The following CACNA2D3 variants were observed in gnomAD, a reference collection of about 807,000 sequenced individuals.
CACNA2D3 encodes the protein calcium voltage-gated channel auxiliary subunit alpha2delta 3, also known as voltage-dependent calcium channel subunit alpha-2/delta-3.
Under a neutral mutation model 160.6 loss-of-function variants are expected in CACNA2D3, and 60 were observed. That is an observed-to-expected ratio of 0.37 (90% CI 0.30 to 0.46). The LOEUF is 0.46. Among genes scored for constraint, CACNA2D3 ranks in the 20% least tolerant of loss-of-function variants. CACNA2D3 has a pLI of 1.00. For missense variants in CACNA2D3, 1,205 were observed against 1,365.0 expected (o/e 0.88, Z 1.85); for synonymous variants, 558 against 492.9 (o/e 1.13, Z -1.75).
chr3:54,964,243 G>A (rs1702093682), intron 27 of CACNA2D3, among the ~76,000 whole-genome samples: 2 of 152,172 alleles, frequency 1.3e-5, no homozygotes, highest in Non-Finnish European at 2.9e-5. Flanking sequence ...ACCAGATGCA[G>A]TTGTGTAAAG....
intron 2 of CACNA2D3, among the ~76,000 whole-genome samples, chr3:54,238,933 C>A (rs1325134799): frequency 6.6e-6 from 1 of 152,182 alleles, no homozygotes; most frequent in Admixed American, 6.5e-5. Flanking sequence ...GTCTTCAGAT[C>A]ATTTTGAATA....
chr3:54,701,635 G>A (rs1700769168), intron 11 of CACNA2D3, among the ~76,000 whole-genome samples: 1 of 152,102 alleles, frequency 6.6e-6, no homozygotes, highest in Admixed American at 6.5e-5. Flanking sequence ...GCTCATGGAT[G>A]GGAAGAATCA....
intron 13 of CACNA2D3, among the ~76,000 whole-genome samples, chr3:54,791,096 T>C (rs1400341375): frequency 6.6e-6 from 1 of 151,938 alleles, no homozygotes; most frequent in Non-Finnish European, 1.5e-5. Context: ...CCAAGAAGAG[T>C]TTCTTTCTCT....
intron 9 of CACNA2D3, among the ~76,000 whole-genome samples, chr3:54,621,981 G>A (rs1403123248): frequency 6.6e-6 from 1 of 152,240 alleles, no homozygotes; most frequent in Non-Finnish European, 1.5e-5. Context: ...CCAGGGAGAA[G>A]TCAACCCAGT....
intron 11 of CACNA2D3, among the ~76,000 whole-genome samples, chr3:54,650,303 G>C (rs1699736274): frequency 6.6e-6 from 1 of 151,624 alleles, no homozygotes; most frequent in Admixed American, 6.6e-5. Flanking sequence ...GGTTCAAGTG[G>C]TTACTCATGC....
rs372491697 is a variant in CACNA2D3 at position 54,168,609 on chromosome 3, G to A, written c.204+45015G>A. Among the ~76,000 whole-genome samples the A allele has an allele frequency of 6.6e-5, 10 of 152,278 alleles. No individual in the cohort carries two copies. The East Asian group carries it at 1.3e-3, about 21-fold the overall frequency. The stretch of plus-strand genomic sequence containing the variant: ...ATTCCCAGAGTGTTTGCTGAGGTCA[G>A]CCGACTTCTCAGCATTCCTGCCACT... On this transcript the variant is annotated intron_variant, in intron 2 of 37. Coordinates refer to ENST00000474759, the MANE Select transcript of CACNA2D3 (RefSeq NM_018398.3).
intron 5 of CACNA2D3, among the ~76,000 whole-genome samples, chr3:54,530,860 G>C (rs1048568439): frequency 6.6e-6 from 1 of 152,186 alleles, no homozygotes; most frequent in African/African-American, 2.4e-5. Flanking sequence ...GCTGAAAAAA[G>C]CTGTGTCCTC....
Position 55,033,761 on chromosome 3 carries a change from A to ATTT in CACNA2D3, c.2987+15445_2987+15446insTTT, listed in dbSNP as rs1215175428. 4.4e-4 allele frequency among the ~76,000 whole-genome samples: 57 copies of ATTT among 128,640 alleles called. 1 individual carries two copies. Among genetic ancestry groups the ATTT allele is most frequent in the African/African-American group, 1.4e-3 (50 of 35,202 alleles). The allele number at this position is 128,640 out of a possible 152,430, so 84.4% of individuals were successfully genotyped here. On this transcript the variant is annotated intron_variant, in intron 35 of 37. Transcript: ENST00000474759. ...ATATAATATATATTATATTAAATAT[A>ATTT]TATTATATAATATGTATTATATATT...
At chr3:54,802,437 T>C (rs1048504856) in intron 13 of CACNA2D3, among the ~76,000 whole-genome samples, 4 of 152,216 alleles carry the variant, frequency 2.6e-5, no homozygotes, top group Admixed American at 6.5e-5. Context: ...TAAGGAAATT[T>C]CATGCATAGC....
At chr3:54,950,489 C>T (rs1330969965) in intron 27 of CACNA2D3, among the ~76,000 whole-genome samples, 1 of 152,142 alleles carries the variant, frequency 6.6e-6, no homozygotes, top group African/African-American at 2.4e-5. Flanking sequence ...ATAATGCTGA[C>T]AATAATTATA....
At chr3:54,260,674 A>G (rs76873378) in intron 2 of CACNA2D3, among the ~76,000 whole-genome samples, 2,639 of 152,176 alleles carry the variant, frequency 0.017, 72 homozygotes, top group African/African-American at 0.059. Flanking sequence ...GTCTCCTACT[A>G]TTCTCCGTAG....
At chr3:54,174,696 T>C (rs1700640467) in intron 2 of CACNA2D3, among the ~76,000 whole-genome samples, 1 of 152,146 alleles carries the variant, frequency 6.6e-6, no homozygotes, top group African/African-American at 2.4e-5. Context: ...GGCTAATTTT[T>C]AGTATTTTTT....
chr3:54,524,881 A>G (rs1348007533), intron 5 of CACNA2D3, among the ~76,000 whole-genome samples: 2 of 152,020 alleles, frequency 1.3e-5, no homozygotes, highest in Non-Finnish European at 2.9e-5. Flanking sequence ...GCCTGTTTGT[A>G]TCTTTGAATC....
At chr3:54,929,767 TATCC>T (rs1282626340) in intron 27 of CACNA2D3, among the ~76,000 whole-genome samples, 2 of 152,180 alleles carry the variant, frequency 1.3e-5, no homozygotes, top group Non-Finnish European at 2.9e-5. Flanking sequence ...CCCTCCTTCC[TATCC>T]ATCTGTTTCA....
intron 2 of CACNA2D3, among the ~76,000 whole-genome samples, chr3:54,158,179 C>T (rs750754442): frequency 6.6e-6 from 1 of 152,156 alleles, no homozygotes; most frequent in Non-Finnish European, 1.5e-5. Flanking sequence ...ATTTCTGTGG[C>T]ATTTTATTTG....
chr3:55,014,563 C>T (rs1359974848), intron 34 of CACNA2D3, among the ~76,000 whole-genome samples: 2 of 152,124 alleles, frequency 1.3e-5, no homozygotes, highest in Non-Finnish European at 1.5e-5. Flanking sequence ...ACCCCCATCT[C>T]TACTAAAAAT....
intron 4 of CACNA2D3, among the ~76,000 whole-genome samples, chr3:54,463,705 C>G (rs1700553176): frequency 6.6e-6 from 1 of 152,038 alleles, no homozygotes; most frequent in Admixed American, 6.6e-5. Context: ...ACTTTTTTGC[C>G]TTTGGTTTGA....
At chr3:54,638,155 TTAA>T in intron 10 of CACNA2D3, 1 of 152,070 alleles carries the variant, frequency 6.6e-6, no homozygotes, top group Admixed American at 6.5e-5. Flanking sequence ...GGAGTTTTAT[TTAA>T]TGTCGGGAGC....
chr3:54,412,589 G>A (rs1699686246), intron 4 of CACNA2D3, among the ~76,000 whole-genome samples: 1 of 138,194 alleles, frequency 7.2e-6, no homozygotes, highest in African/African-American at 2.8e-5. Flanking sequence ...CTTATAACCT[G>A]TCTGTAATTC....
Sources: allele counts gnomAD v4.1 joint callset (sites outside exome capture counted in the v4.1 genomes callset), GRCh38; gene constraint gnomAD v4.1.1; transcripts MANE v1.5; gene names NCBI Gene and HGNC (gene_info 2026-07-23, HGNC 2026-07-21).